The following NCKAP5 variants were observed in gnomAD, a reference collection of about 807,000 sequenced individuals.
NCKAP5 encodes the protein NCK associated protein 5, also known as nck-associated protein 5.
NCKAP5 carries 92 observed loss-of-function variants against 167.0 expected under a neutral mutation model. That is an observed-to-expected ratio of 0.55 (90% CI 0.47 to 0.66). The LOEUF (loss-of-function observed/expected upper bound fraction) is 0.66, where lower values mean the gene tolerates loss of function less well. Among genes scored for constraint, NCKAP5 ranks in the 30% least tolerant of loss-of-function variants. The pLI, the probability that NCKAP5 is intolerant of heterozygous loss-of-function variation, is 0.00. For synonymous variants in NCKAP5, 891 were observed against 877.4 expected, an observed-to-expected ratio of 1.02 and a Z score of -0.27; for missense variants, 2,378 against 2,315.0, an observed-to-expected ratio of 1.03 and a Z score of -0.56.
intron 7 of NCKAP5, among the ~76,000 whole-genome samples, chr2:132,993,285 T>C (rs2077497919): frequency 6.6e-6 from 1 of 152,212 alleles, no homozygotes. Flanking sequence ...GTAGAAGTCC[T>C]AAATTTATCT....
At chr2:132,967,918 G>A (rs1230586908) in intron 7 of NCKAP5, among the ~76,000 whole-genome samples, 3 of 152,158 alleles carry the variant, frequency 2.0e-5, no homozygotes, top group East Asian at 1.9e-4. Flanking sequence ...GCTGAGTGAG[G>A]AGGTGGCCAT....
chr2:133,078,961 A>G (rs1244599596), intron 6 of NCKAP5, among the ~76,000 whole-genome samples: 2 of 152,206 alleles, frequency 1.3e-5, no homozygotes, highest in Non-Finnish European at 2.9e-5. Context: ...ACATGGGATC[A>G]TAATCTGGAG....
intron 12 of NCKAP5, among the ~76,000 whole-genome samples, chr2:132,792,355 T>C (rs1015938827): frequency 6.6e-6 from 1 of 152,196 alleles, no homozygotes; most frequent in Admixed American, 6.5e-5. Flanking sequence ...GGACGTAACT[T>C]AGTTAAGGGG....
the NCKAP5 span, among the ~76,000 whole-genome samples, chr2:133,628,171 G>C: frequency 1.3e-5 from 2 of 152,002 alleles, no homozygotes; most frequent in African/African-American, 4.8e-5. Flanking sequence ...AGAAACAAAG[G>C]GTATTCAAAT....
At chr2:133,569,599 G>A (rs781761184), upstream of NCKAP5, among the ~76,000 whole-genome samples, 4 of 152,180 alleles carry the variant, frequency 2.6e-5, no homozygotes, top group Non-Finnish European at 5.9e-5. Flanking sequence ...AGCATTGAGG[G>A]TGGAGGCAGG....
chr2:133,086,713 A>G (rs2081004581), intron 6 of NCKAP5, among the ~76,000 whole-genome samples: 1 of 152,184 alleles, frequency 6.6e-6, no homozygotes. Context: ...AAATACCAGT[A>G]GAGAGATCAT....
intron 4 of NCKAP5, among the ~76,000 whole-genome samples, chr2:133,293,463 G>C (rs1401941051): frequency 6.6e-6 from 1 of 152,076 alleles, no homozygotes; most frequent in African/African-American, 2.4e-5. Context: ...TGGGTGATCT[G>C]GTTCAATCAA....
At chr2:133,212,494 A>T (rs570077510) in intron 5 of NCKAP5, among the ~76,000 whole-genome samples, 2 of 152,172 alleles carry the variant, frequency 1.3e-5, no homozygotes, top group Admixed American at 6.5e-5. Flanking sequence ...CAGCTTCCTG[A>T]GTAGCTGCAA....
chr2:133,265,771 G>C (rs947453044), intron 4 of NCKAP5, among the ~76,000 whole-genome samples: 1 of 152,170 alleles, frequency 6.6e-6, no homozygotes, highest in Non-Finnish European at 1.5e-5. Context: ...TGCTGGGGCC[G>C]GGCCAGGGAG....
chr2:132,942,872 C>G (rs935913483), intron 8 of NCKAP5, among the ~76,000 whole-genome samples: 6 of 152,184 alleles, frequency 3.9e-5, no homozygotes, highest in Non-Finnish European at 5.9e-5. Context: ...CACAATGCAA[C>G]TAAGTGGTCT....
chr2:133,337,510 T>G (rs749791993), intron 3 of NCKAP5, among the ~76,000 whole-genome samples: 5 of 152,194 alleles, frequency 3.3e-5, no homozygotes, highest in African/African-American at 4.8e-5. Context: ...GGGCTTATAT[T>G]TGGAGATAGG....
the NCKAP5 span, among the ~76,000 whole-genome samples, chr2:133,661,290 C>T: frequency 1.3e-5 from 2 of 152,100 alleles, no homozygotes; most frequent in Non-Finnish European, 2.9e-5. Context: ...CAACTAGGAA[C>T]CTGGAAAACT....
intron 19 of NCKAP5, among the ~76,000 whole-genome samples, chr2:132,699,545 G>C (rs1269814059): frequency 1.3e-5 from 2 of 151,068 alleles, no homozygotes; most frequent in African/African-American, 2.4e-5. Flanking sequence ...TGTTCTCATT[G>C]TTCAATTCCC....
At chr2:133,008,418 T>C (rs2078041038) in intron 6 of NCKAP5, among the ~76,000 whole-genome samples, 1 of 152,166 alleles carries the variant, frequency 6.6e-6, no homozygotes, top group African/African-American at 2.4e-5. Context: ...CTATCAAGCC[T>C]TCAGTAAGAC....
At chr2:132,995,147 G>T (rs1204634177) in intron 6 of NCKAP5, among the ~76,000 whole-genome samples, 1 of 151,940 alleles carries the variant, frequency 6.6e-6, no homozygotes, top group Non-Finnish European at 1.5e-5. Flanking sequence ...TCTAAACACT[G>T]CAAACTTACA....
intron 3 of NCKAP5, among the ~76,000 whole-genome samples, chr2:133,325,063 A>G (rs1682337146): frequency 1.3e-5 from 2 of 152,140 alleles, no homozygotes; most frequent in African/African-American, 2.4e-5. Flanking sequence ...TCTTCTGAGC[A>G]CCTGTTATGT....
rs558762789 is a variant in NCKAP5 at position 132,785,500 on chromosome 2, A to G, written c.1311T>C (p.Tyr437=). Residue 437 remains tyrosine, a synonymous_variant, in exon 14 of 20, where the codon TAT becomes TAC. Transcript: ENST00000409261. ...KDCMNSNEGI[Y]SPGIKSSSLK... ...GGCTGCTACTTTTAATTCCAGGAGA[A>G]TATATTCCTTCATTCGAGTTCATGC... The G allele has an allele frequency of 6.8e-5, 109 of 1,612,728 alleles. 1 individual carries two copies. The South Asian group carries it at 1.1e-3, about 16-fold the overall frequency.
intron 19 of NCKAP5, among the ~76,000 whole-genome samples, chr2:132,715,673 TCAGA>T (rs982062998): frequency 1.3e-5 from 2 of 152,182 alleles, no homozygotes; most frequent in Admixed American, 6.5e-5. Flanking sequence ...TGTTACCACT[TCAGA>T]CAGTCAGTGT....
chr2:132,781,708 T>C (rs1458282739), intron 14 of NCKAP5, among the ~76,000 whole-genome samples: 3 of 152,224 alleles, frequency 2.0e-5, no homozygotes, highest in Non-Finnish European at 4.4e-5. Flanking sequence ...TTCTTTAATT[T>C]CAAAGGCCAT....
Sources: gnomAD v4.1 joint callset for allele counts (sites outside exome capture counted in the v4.1 genomes callset) on GRCh38, gnomAD v4.1.1 for gene constraint, MANE v1.5 for transcripts, NCBI Gene and HGNC (gene_info 2026-07-23, HGNC 2026-07-21) for gene names.